WSCD2: variants seen among roughly 807,000 people sequenced by gnomAD.
The protein encoded by WSCD2 is WSC domain sialate O sulfotransferase 2.
WSCD2 carries 28 observed loss-of-function variants against 55.7 expected under a neutral mutation model. That is an observed-to-expected ratio of 0.50 (90% CI 0.37 to 0.69). The LOEUF is 0.69. Ranked by LOEUF, WSCD2 falls within the 30% of genes least tolerant of loss-of-function variation. The pLI, the probability that WSCD2 is intolerant of heterozygous loss-of-function variation, is 0.00. For missense variants in WSCD2, 616 were observed against 762.1 expected (o/e 0.81, Z 2.26); for synonymous variants, 301 against 301.9 (o/e 1.00, Z 0.03).
At chr12:108,169,270 T>C (rs1290611343) in intron 1 of WSCD2, among the ~76,000 whole-genome samples, 2 of 152,134 alleles carry the variant, frequency 1.3e-5, no homozygotes, top group Non-Finnish European at 2.9e-5. Flanking sequence ...AACAATGTAA[T>C]AATAATAGAA....
chr12:108,133,655 G>A (rs1440510009), intron 1 of WSCD2, among the ~76,000 whole-genome samples: 1 of 152,172 alleles, frequency 6.6e-6, no homozygotes, highest in Admixed American at 6.5e-5. Flanking sequence ...TCAGCAGTTG[G>A]TGCCAGCTCT....
At chr12:108,216,075 TG>T (rs1886799591) in intron 4 of WSCD2, among the ~76,000 whole-genome samples, 1 of 152,148 alleles carries the variant, frequency 6.6e-6, no homozygotes, top group East Asian at 1.9e-4. Context: ...GTAGCTGGAA[TG>T]GGGGTCTATG....
intron 1 of WSCD2, among the ~76,000 whole-genome samples, chr12:108,132,952 CTGTT>C (rs1432508982): frequency 3.9e-5 from 6 of 152,020 alleles, no homozygotes; most frequent in Non-Finnish European, 8.8e-5. Context: ...GTGTGTGCAT[CTGTT>C]TGTTCTGGTG....
chr12:108,192,274 C>A (rs1212375613), intron 1 of WSCD2, among the ~76,000 whole-genome samples: 1 of 152,164 alleles, frequency 6.6e-6, no homozygotes, highest in East Asian at 1.9e-4. Flanking sequence ...GGGGAGAAGT[C>A]AAGATCCTTT....
At chr12:108,201,809 T>C (rs186570767) in intron 2 of WSCD2, among the ~76,000 whole-genome samples, 4 of 152,130 alleles carry the variant, frequency 2.6e-5, no homozygotes, top group African/African-American at 7.2e-5. Flanking sequence ...CAAAATTCCA[T>C]GAAAAGATTA....
chr12:108,220,012 C>T (rs978379401), intron 4 of WSCD2, among the ~76,000 whole-genome samples: 11 of 152,180 alleles, frequency 7.2e-5, no homozygotes, highest in South Asian at 2.1e-4. Flanking sequence ...TGGTGAAAAG[C>T]AGAGTGGACA....
In WSCD2 at chr12:108,250,365, G is replaced by A. The variant is rs1890364143; in HGVS notation, c.*2022G>A. Reference sequence around the variant, plus strand: ...TGACTCTGGCATAGCTGCTCAGGGAGAATTACGTGCCTCTGTGTGTAAAAT... The same window carrying A: ...TGACTCTGGCATAGCTGCTCAGGGAAAATTACGTGCCTCTGTGTGTAAAAT... On this transcript the variant is annotated 3_prime_UTR_variant, in exon 9 of 9. Coordinates refer to ENST00000547525, the MANE Select transcript of WSCD2 (RefSeq NM_014653.4). 6.6e-6 allele frequency: 1 copy of A among 152,312 alleles called. No homozygotes were observed. Among genetic ancestry groups the A allele is most frequent in the Non-Finnish European group, 1.5e-5 (1 of 68,064 alleles). The allele number at this position is 152,312 out of a possible 1,614,324, so 9.4% of individuals were successfully genotyped here. A position where few individuals can be genotyped will look rare whatever the true frequency, so the allele number is the denominator to read the frequency against.
intron 2 of WSCD2, among the ~76,000 whole-genome samples, chr12:108,197,596 A>G (rs1443937585): frequency 6.6e-6 from 1 of 152,144 alleles, no homozygotes; most frequent in Non-Finnish European, 1.5e-5. Flanking sequence ...ATGAAGGCCT[A>G]GCACTGAGTA....
chr12:108,247,813 T>C (rs1566002246), intron 8 of WSCD2, among the ~76,000 whole-genome samples, 178 bp from the exon 9 acceptor site: 1 of 152,230 alleles, frequency 6.6e-6, no homozygotes, highest in Non-Finnish European at 1.5e-5. Context: ...AGCCTTGGCC[T>C]CCCAAAGTGC....
intron 5 of WSCD2, among the ~76,000 whole-genome samples, chr12:108,226,573 C>A (rs1888116963): frequency 6.6e-6 from 1 of 152,126 alleles, no homozygotes; most frequent in African/African-American, 2.4e-5. Flanking sequence ...ACTCTCTATG[C>A]AGGAAAAATG....
chr12:108,217,981 T>G (rs192024579), intron 4 of WSCD2, among the ~76,000 whole-genome samples: 49 of 152,170 alleles, frequency 3.2e-4, no homozygotes, highest in Admixed American at 1.5e-3. Flanking sequence ...CTAGGCAGGC[T>G]GGAAGAAATC....
Position 108,240,428 on chromosome 12 carries a change from C to A in WSCD2, c.1229C>A (p.Ala410Asp), listed in dbSNP as rs772336574. The change falls in exon 8 of 9, where the codon GCC becomes GAC. Residue 410 changes from alanine to aspartate, a missense_variant. Physicochemically the swap from Ala to Asp is moderately radical, Grantham distance 126 (BLOSUM62 -2). Transcript: ENST00000547525. ...THESGQKEIE[A>D]FDAAILLIRN... is the part of the protein sequence containing the mutation. ...GAAAGCGGCCAGAAAGAGATCGAGG[C>A]CTTCGACGCCGCCATCCTGCTCATC... 102 of 1,614,050 alleles carry A rather than the reference C, an allele frequency of 6.3e-5. 2 individuals carry two copies. The highest frequency in any genetic ancestry group is 1.8e-4 in the East Asian group (8 of 44,890).
At chr12:108,242,164 G>T (rs1343631297) in intron 8 of WSCD2, among the ~76,000 whole-genome samples, 1 of 152,190 alleles carries the variant, frequency 6.6e-6, no homozygotes, top group Non-Finnish European at 1.5e-5. Flanking sequence ...ACGTAACTCA[G>T]CAATTCACCC....
In WSCD2 at chr12:108,129,463, G is replaced by A. The variant is rs1450488046; in HGVS notation, c.-1015G>A. 1 of 151,502 alleles carries A rather than the reference G, an allele frequency of 6.6e-6. No individual in the cohort carries two copies. Among genetic ancestry groups the A allele is most frequent in the African/African-American group, 2.4e-5 (1 of 41,346 alleles). The allele number at this position is 151,502 out of a possible 1,614,324, so 9.4% of individuals were successfully genotyped here. A position where few individuals can be genotyped will look rare whatever the true frequency, so the allele number is the denominator to read the frequency against. On this transcript the variant is annotated 5_prime_UTR_variant, in exon 1 of 9. Transcript: ENST00000547525. ...GGTGCCCTGCGCGCACCGGGCCCGG[G>A]CATCTCCATCCCCGGGGCGGGTGCC...
At position 108,229,076 on chromosome 12, in the gene WSCD2, C is replaced by A. The variant is rs117528834; in HGVS notation, c.979+1912C>A. On this transcript the variant is annotated intron_variant, in intron 6 of 8. Coordinates refer to ENST00000547525, the MANE Select transcript of WSCD2 (RefSeq NM_014653.4). ...GAATTTGCTCATTCCCAGTGCCCTA[C>A]CCCCAGGCCATTACTAGGGCTTCCA... 1.5e-3 allele frequency among the ~76,000 whole-genome samples: 223 copies of A among 152,288 alleles called. 2 individuals carry two copies. The East Asian group carries it at 0.037, about 25-fold the overall frequency.
intron 1 of WSCD2, among the ~76,000 whole-genome samples, chr12:108,181,016 G>A (rs968667115): frequency 4.6e-5 from 7 of 152,202 alleles, no homozygotes; most frequent in African/African-American, 1.7e-4. Context: ...AGGGGAGTCC[G>A]GATTCAAGCC....
chr12:108,246,899 C>T lies in WSCD2; in HGVS notation c.1346-1092C>T, dbSNP rs527841603. Among the ~76,000 whole-genome samples the T allele has an allele frequency of 7.2e-5, 11 of 152,134 alleles. No homozygotes were observed. In the East Asian group the frequency reaches 1.9e-3, roughly 27 times the overall value. ...AATTGTGAAACCCAGAGGAGGCACC[C>T]GCCTGAGCCCAGGGAGTCTAAGAAG... On this transcript the variant is annotated intron_variant, in intron 8 of 8. Coordinates refer to ENST00000547525, the MANE Select transcript of WSCD2 (RefSeq NM_014653.4).
At chr12:108,175,221 A>G (rs1880662900) in intron 1 of WSCD2, among the ~76,000 whole-genome samples, 2 of 152,216 alleles carry the variant, frequency 1.3e-5, no homozygotes, top group Non-Finnish European at 2.9e-5. Flanking sequence ...CCTGCAATGC[A>G]CAGCACCGGA....
chr12:108,165,880 C>T (rs1046235245), intron 1 of WSCD2, among the ~76,000 whole-genome samples: 8 of 152,192 alleles, frequency 5.3e-5, no homozygotes, highest in Admixed American at 1.3e-4. Context: ...TCTAGCCCGG[C>T]ACCATTACCT....
Sources: gnomAD v4.1 joint callset for allele counts (sites outside exome capture counted in the v4.1 genomes callset) on GRCh38, gnomAD v4.1.1 for gene constraint, MANE v1.5 for transcripts, NCBI Gene and HGNC (gene_info 2026-07-23, HGNC 2026-07-21) for gene names.